The following ALDH1A2 variants were observed in gnomAD, a reference collection of about 807,000 sequenced individuals.
The protein encoded by ALDH1A2 is retinal dehydrogenase 2.
A neutral mutation model predicts 60.3 loss-of-function variants in ALDH1A2; 27 were observed. The observed-to-expected ratio is 0.45, with a 90% CI of 0.33 to 0.62. ALDH1A2 has a LOEUF of 0.62. Among genes scored for constraint, ALDH1A2 ranks in the 20% least tolerant of loss-of-function variants. ALDH1A2 has a pLI of 0.02. For missense variants in ALDH1A2, 581 were observed against 643.8 expected (o/e 0.90, Z 1.06); for synonymous variants, 289 against 232.4 (o/e 1.24, Z -2.21).
At chr15:58,030,969 T>C (rs1054995422) in intron 1 of ALDH1A2, among the ~76,000 whole-genome samples, 1 of 152,150 alleles carries the variant, frequency 6.6e-6, no homozygotes, top group South Asian at 2.1e-4. Context: ...AGGTAATTTA[T>C]AGATTCAATG....
At chr15:58,064,194 T>C (rs1429733350) in intron 1 of ALDH1A2, among the ~76,000 whole-genome samples, 1 of 152,160 alleles carries the variant, frequency 6.6e-6, no homozygotes, top group Non-Finnish European at 1.5e-5. Context: ...CTTTCCCTGC[T>C]CGTTCCTAAA....
At chr15:58,003,039 G>C (rs911364349) in intron 4 of ALDH1A2, among the ~76,000 whole-genome samples, 1 of 151,876 alleles carries the variant, frequency 6.6e-6, no homozygotes, top group Non-Finnish European at 1.5e-5. Context: ...TAAGAAGTTA[G>C]ATTATGTTCC....
At chr15:58,056,300 C>T (rs915736077) in intron 1 of ALDH1A2, among the ~76,000 whole-genome samples, 2 of 152,096 alleles carry the variant, frequency 1.3e-5, no homozygotes, top group African/African-American at 2.4e-5. Context: ...GAAGACCACA[C>T]ATTCTAGACT....
At chr15:57,973,545 A>G (rs1894140665) in intron 7 of ALDH1A2, among the ~76,000 whole-genome samples, 1 of 152,236 alleles carries the variant, frequency 6.6e-6, no homozygotes, top group Non-Finnish European at 1.5e-5. Flanking sequence ...GCAAAGTTAG[A>G]ATAAATGGAT....
At chr15:57,960,994 CTAAGCAG>C in intron 11 of ALDH1A2, 136 bp downstream of exon 11, 6 of 1,339,312 alleles carry the variant, frequency 4.5e-6, no homozygotes, top group Non-Finnish European at 6.2e-6. Flanking sequence ...ATTTCTGGAT[CTAAGCAG>C]TAAGGAGTGT....
At chr15:57,958,764 T>C (rs1893626376) in intron 12 of ALDH1A2, among the ~76,000 whole-genome samples, 1 of 152,190 alleles carries the variant, frequency 6.6e-6, no homozygotes. Context: ...TTGAAGCATT[T>C]TCTGTCACTC....
intron 1 of ALDH1A2, among the ~76,000 whole-genome samples, chr15:58,027,971 C>G (rs1264578647): frequency 6.6e-6 from 1 of 152,192 alleles, no homozygotes; most frequent in Admixed American, 6.5e-5. Flanking sequence ...TTAGAAAACA[C>G]TCTTCAGGAC....
At chr15:57,967,601 A>C (rs1893938406) in intron 7 of ALDH1A2, among the ~76,000 whole-genome samples, 1 of 152,208 alleles carries the variant, frequency 6.6e-6, no homozygotes. Context: ...CCTCCTAAAA[A>C]AGATTTTGAA....
At chr15:57,989,360 CATGTA>C (rs1894816937) in intron 7 of ALDH1A2, among the ~76,000 whole-genome samples, 1 of 152,100 alleles carries the variant, frequency 6.6e-6, no homozygotes, top group Non-Finnish European at 1.5e-5. Context: ...TTAATATGGA[CATGTA>C]ATGTTATGCC....
In ALDH1A2 at chr15:57,992,057, A is replaced by T. The variant is rs190901980; in HGVS notation, c.798+648T>A. On this transcript the variant is annotated intron_variant, in intron 7 of 12. Transcript: ENST00000249750. Reference sequence around the variant, plus strand: ...TTTGCATGTTTAAATGTCTAGAAACAATAAAAAGATTAGCATTTGTAATCC... The same window carrying T: ...TTTGCATGTTTAAATGTCTAGAAACTATAAAAAGATTAGCATTTGTAATCC... Among the ~76,000 whole-genome samples the T allele has an allele frequency of 2.6e-5, 4 of 152,318 alleles. No individual in the cohort carries two copies. The East Asian group carries it at 7.7e-4, about 29-fold the overall frequency.
At chr15:57,980,364 CAGCCTTGATGA>C (rs1355896759) in intron 7 of ALDH1A2, 4 of 385,014 alleles carry the variant, frequency 1.0e-5, no homozygotes, top group Non-Finnish European at 2.1e-5. Context: ...TAGCTGACTA[CAGCCTTGATGA>C]AGTTGGAGAG....
intron 5 of ALDH1A2, among the ~76,000 whole-genome samples, chr15:57,994,077 G>A (rs1894977245): frequency 6.6e-6 from 1 of 152,198 alleles, no homozygotes; most frequent in Non-Finnish European, 1.5e-5. Context: ...AGCAGCTCTT[G>A]TCCTGTCAGT....
At chr15:57,994,498 GAGAC>G (rs1487702251) in intron 5 of ALDH1A2, among the ~76,000 whole-genome samples, 1 of 152,166 alleles carries the variant, frequency 6.6e-6, no homozygotes, top group Non-Finnish European at 1.5e-5. Flanking sequence ...GTGTGTATGA[GAGAC>G]AGACAGGAAC....
intron 1 of ALDH1A2, among the ~76,000 whole-genome samples, chr15:58,059,406 C>A (rs2140584116): frequency 6.6e-6 from 1 of 152,300 alleles, no homozygotes; most frequent in Admixed American, 6.5e-5. Flanking sequence ...AAAATGCTCT[C>A]AAAATTCCAT....
chr15:57,996,700 A>G (rs1235139726), intron 4 of ALDH1A2, among the ~76,000 whole-genome samples: 1 of 151,924 alleles, frequency 6.6e-6, no homozygotes, highest in East Asian at 1.9e-4. Context: ...GAATTTCTTG[A>G]TCTAAGTGTA....
intron 3 of ALDH1A2, among the ~76,000 whole-genome samples, chr15:58,012,965 C>T (rs528923942): frequency 1.3e-5 from 2 of 152,298 alleles, no homozygotes; most frequent in Admixed American, 6.5e-5. Context: ...TTCCTAAATG[C>T]TTTCAGTTTC....
In ALDH1A2 at chr15:57,988,694, A is replaced by G. The variant is rs182266099; in HGVS notation, c.798+4011T>C. On this transcript the variant is annotated intron_variant, in intron 7 of 12. Transcript: ENST00000249750. ...CATGGTACTTAAATGGGTGCATTTT[A>G]TTGTATGTAAATTATACTTCAGTAA... Among the ~76,000 whole-genome samples the G allele has an allele frequency of 2.6e-5, 4 of 152,342 alleles. No individual in the cohort carries two copies. The East Asian group carries it at 7.7e-4, about 29-fold the overall frequency.
chr15:58,065,446 C>T (rs1897151927), intron 1 of ALDH1A2, 88 bp downstream of exon 1: 3 of 1,184,004 alleles, frequency 2.5e-6, no homozygotes, highest in African/African-American at 1.5e-5. Flanking sequence ...GGCCCCGTCC[C>T]GCAGCCCTCA....
chr15:57,983,407 C>G (rs1184682973), intron 7 of ALDH1A2, among the ~76,000 whole-genome samples: 2 of 152,120 alleles, frequency 1.3e-5, no homozygotes, highest in African/African-American at 4.8e-5. Context: ...TCCCATAAAA[C>G]TACAGTTCCA....
Sources: gnomAD v4.1 joint callset for allele counts (sites outside exome capture counted in the v4.1 genomes callset) on GRCh38, gnomAD v4.1.1 for gene constraint, MANE v1.5 for transcripts, NCBI Gene and HGNC (gene_info 2026-07-23, HGNC 2026-07-21) for gene names.